Variants in SEM1 observed in about 807,000 individuals in gnomAD.
SEM1 encodes the protein 26S proteasome complex subunit SEM1.
A neutral mutation model predicts 12.7 loss-of-function variants in SEM1; 3 were observed. That is an observed-to-expected ratio of 0.24 (90% CI 0.11 to 0.61). The LOEUF (loss-of-function observed/expected upper bound fraction) is 0.61. SEM1 is among the 20% of genes least tolerant of loss of function. SEM1 has a pLI of 0.88. For synonymous variants in SEM1, 30 were observed against 27.8 expected, an observed-to-expected ratio of 1.08 and a Z score of -0.25; for missense variants, 59 against 81.3, an observed-to-expected ratio of 0.73 and a Z score of 1.06.
chr7:96,641,819 C>CTT (rs201575352), intron 2 of SEM1, among the ~76,000 whole-genome samples: 1 of 151,162 alleles, frequency 6.6e-6, no homozygotes, highest in African/African-American at 2.4e-5. Context: ...TATTCTTGTG[C>CTT]TTTTTTTTAA....
chr7:96,703,221 C>T (rs1188446680), intron 1 of SEM1, among the ~76,000 whole-genome samples: 1 of 152,160 alleles, frequency 6.6e-6, no homozygotes, highest in Non-Finnish European at 1.5e-5. Context: ...CATGTTGGTA[C>T]TCAGAAAGTT....
chr7:96,655,487 A>G (rs1051450711), intron 2 of SEM1, among the ~76,000 whole-genome samples: 2 of 144,550 alleles, frequency 1.4e-5, no homozygotes, highest in African/African-American at 2.6e-5. Context: ...GGATTTTACC[A>G]TGTTGGCCAG....
chr7:96,536,214 C>G (rs994492243), intron 2 of SEM1, among the ~76,000 whole-genome samples: 3 of 151,792 alleles, frequency 2.0e-5, no homozygotes, highest in African/African-American at 7.3e-5. Context: ...GACTTAATTT[C>G]TAAATACTTG....
chr7:96,511,179 GT>G (rs1395451619), intron 2 of SEM1, among the ~76,000 whole-genome samples: 1 of 152,110 alleles, frequency 6.6e-6, no homozygotes, highest in Non-Finnish European at 1.5e-5. Context: ...TAGAATCACA[GT>G]TTTTAGAACG....
chr7:96,657,757 C>A (rs908086180), intron 2 of SEM1, among the ~76,000 whole-genome samples: 2 of 152,348 alleles, frequency 1.3e-5, no homozygotes. Context: ...TTTAGTGGCA[C>A]AGAGTGTGTC....
exon 4 of SEM1, chr7:96,483,642 G>T: frequency 1.8e-6 from 1 of 554,134 alleles, no homozygotes; most frequent in South Asian, 2.0e-5. Flanking sequence ...CAGAGGGAAA[G>T]AGCACTAGAA....
downstream of SEM1, among the ~76,000 whole-genome samples, chr7:96,685,024 C>T (rs981242252): frequency 4.6e-5 from 7 of 152,044 alleles, no homozygotes; most frequent in Non-Finnish European, 8.8e-5. Context: ...GAGGGTGGTG[C>T]TAATTGTCAG....
intron 2 of SEM1, among the ~76,000 whole-genome samples, chr7:96,597,238 T>C (rs1807027219): frequency 6.6e-6 from 1 of 152,094 alleles, no homozygotes; most frequent in Admixed American, 6.6e-5. Context: ...CTATTAGGAG[T>C]ATACGTGAAA....
Position 96,580,209 on chromosome 7 carries a change from A to C in SEM1, c.171-73511T>G, listed in dbSNP as rs1442742119. Among the ~76,000 whole-genome samples, 46 of 146,254 alleles carry C rather than the reference A, an allele frequency of 3.1e-4. 1 individual carries two copies. Among genetic ancestry groups the C allele is most frequent in the Non-Finnish European group, 6.6e-4 (44 of 67,070 alleles). On this transcript the variant is annotated intron_variant and NMD_transcript_variant, in intron 2 of 3. Coordinates refer to the SEM1 transcript ENST00000466986. The stretch of plus-strand genomic sequence containing the variant: ...TGTTCAATTCCCACCTATGAGTGAG[A>C]ATATGCGGTGTTTGGTTTTTTGTTC...
intron 2 of SEM1, among the ~76,000 whole-genome samples, chr7:96,584,827 T>C (rs1408369770): frequency 2.0e-5 from 3 of 151,858 alleles, no homozygotes; most frequent in Non-Finnish European, 4.4e-5. Flanking sequence ...ATCAGCTCCT[T>C]TAAGCACTTC....
At chr7:96,652,679 A>T (rs1183168269) in intron 2 of SEM1, among the ~76,000 whole-genome samples, 2 of 152,192 alleles carry the variant, frequency 1.3e-5, no homozygotes, top group African/African-American at 4.8e-5. Context: ...TTTCTTTTTC[A>T]TCTTCAGTTA....
intron 1 of SEM1, chr7:96,695,186 C>T (rs184613975): frequency 5.8e-4 from 125 of 216,810 alleles, no homozygotes; most frequent in African/African-American, 2.7e-3. Context: ...TTTAGAAGGT[C>T]GACTTCACAA....
At chr7:96,513,567 A>C (rs1007795153) in intron 2 of SEM1, among the ~76,000 whole-genome samples, 22 of 152,130 alleles carry the variant, frequency 1.4e-4, no homozygotes, top group African/African-American at 5.1e-4. Context: ...AGTGGCTCAC[A>C]CCTGTAATCC....
chr7:96,706,168 T>C (rs1790455994), intron 1 of SEM1: 1 of 152,210 alleles, frequency 6.6e-6, no homozygotes, highest in Non-Finnish European at 1.5e-5. Context: ...AATGCCAATG[T>C]AGCACCAATT....
intron 1 of SEM1, among the ~76,000 whole-genome samples, chr7:96,707,855 C>T (rs1790520215): frequency 6.6e-6 from 1 of 152,176 alleles, no homozygotes; most frequent in African/African-American, 2.4e-5. Flanking sequence ...AATGCGGGTT[C>T]ATTCATCATT....
intron 2 of SEM1, among the ~76,000 whole-genome samples, chr7:96,550,599 A>G (rs1167443485): frequency 6.6e-6 from 1 of 152,228 alleles, no homozygotes; most frequent in African/African-American, 2.4e-5. Flanking sequence ...AAGAAGTTAT[A>G]ACTAGCGATA....
chr7:96,625,038 A>G (rs941676786), intron 2 of SEM1, among the ~76,000 whole-genome samples: 2 of 152,114 alleles, frequency 1.3e-5, no homozygotes, highest in Non-Finnish European at 2.9e-5. Flanking sequence ...TCAGGACTCT[A>G]TGTTGCTTGA....
At chr7:96,510,175 A>G (rs1380188557) in intron 2 of SEM1, among the ~76,000 whole-genome samples, 2 of 152,142 alleles carry the variant, frequency 1.3e-5, no homozygotes, top group Admixed American at 6.6e-5. Context: ...GTTATTTCTG[A>G]TATTGATATT....
chr7:96,612,273 T>C (rs1330736106), intron 2 of SEM1, among the ~76,000 whole-genome samples: 14 of 152,136 alleles, frequency 9.2e-5, no homozygotes, highest in Admixed American at 7.9e-4. Flanking sequence ...AAATGGTAAA[T>C]TCATCTGTAA....
Sources: gnomAD v4.1 joint callset for allele counts (sites outside exome capture counted in the v4.1 genomes callset) on GRCh38, gnomAD v4.1.1 for gene constraint, MANE v1.5 for transcripts, NCBI Gene and HGNC (gene_info 2026-07-23, HGNC 2026-07-21) for gene names.